RP1: variants seen among roughly 807,000 people sequenced by gnomAD.
RP1 encodes the protein RP1 axonemal microtubule associated.
RP1 carries 16 observed loss-of-function variants against 14.8 expected under a neutral mutation model. The observed-to-expected ratio is 1.08, with a 90% CI of 0.73 to 1.65. The LOEUF (loss-of-function observed/expected upper bound fraction) is 1.65, where lower values mean the gene tolerates loss of function less well. Among genes scored for constraint, RP1 ranks in the 40% most tolerant of loss-of-function variants. The probability of loss-of-function intolerance (pLI) is 0.00; values close to 1 mark genes in which losing one functional copy is unlikely to be tolerated. For missense variants in RP1, 2,631 were observed against 2,535.0 expected (o/e 1.04, Z -0.81); for synonymous variants, 876 against 883.6 (o/e 0.99, Z 0.15).
intron 25 of RP1, chr8:54,852,435 G>A: frequency 2.2e-6 from 1 of 462,824 alleles, no homozygotes; most frequent in Non-Finnish European, 3.5e-6. Flanking sequence ...TTGAAAGGGG[G>A]TACATAGAAG....
chr8:54,690,659 G>C (rs887690768), intron 12 of RP1, among the ~76,000 whole-genome samples: 3 of 151,978 alleles, frequency 2.0e-5, no homozygotes, highest in African/African-American at 4.8e-5. Context: ...GATTTTTTCT[G>C]GGATGTATAC....
At chr8:54,740,122 C>A (rs1410844208) in intron 19 of RP1, among the ~76,000 whole-genome samples, 4 of 148,660 alleles carry the variant, frequency 2.7e-5, no homozygotes. Context: ...TTAGAGTGTA[C>A]TCATTCTACT....
At chr8:54,865,823 C>T in intron 27 of RP1, 1 of 1,142,588 alleles carries the variant, frequency 8.8e-7, no homozygotes, top group Non-Finnish European at 1.1e-6. Context: ...TCTCCTTTGT[C>T]AACTGACACA....
intron 1 of RP1, among the ~76,000 whole-genome samples, chr8:54,603,397 A>G (rs923959541): frequency 3.6e-4 from 55 of 152,178 alleles, no homozygotes; most frequent in Non-Finnish European, 7.5e-4. Context: ...GTTGGTCTAT[A>G]TCTCTGTTTT....
chr8:54,773,438 ACCAGCCTGG>A (rs1485431493), downstream of RP1, among the ~76,000 whole-genome samples: 1 of 152,004 alleles, frequency 6.6e-6, no homozygotes, highest in Non-Finnish European at 1.5e-5. Flanking sequence ...GGAGTTTGAG[ACCAGCCTGG>A]CCAACATGGT....
At chr8:54,709,806 CA>C (rs1489825886) in intron 15 of RP1, among the ~76,000 whole-genome samples, 1 of 151,982 alleles carries the variant, frequency 6.6e-6, no homozygotes, top group Non-Finnish European at 1.5e-5. Context: ...TAGCTAAATG[CA>C]AAAAACACTG....
chr8:54,851,442 C>T (rs1299486778), intron 25 of RP1, among the ~76,000 whole-genome samples: 1 of 152,206 alleles, frequency 6.6e-6, no homozygotes, highest in African/African-American at 2.4e-5. Flanking sequence ...CCTGGTTTCT[C>T]TATGTGAAGA....
At chr8:54,673,981 TG>T in intron 8 of RP1, 1 of 1,350,276 alleles carries the variant, frequency 7.4e-7, no homozygotes, top group Non-Finnish European at 1.0e-6. Context: ...TCTGTTTATA[TG>T]AAACTCTGTT....
chr8:54,822,968 TAGAG>T (rs1163075416), intron 24 of RP1, among the ~76,000 whole-genome samples: 1 of 152,226 alleles, frequency 6.6e-6, no homozygotes, highest in Non-Finnish European at 1.5e-5. Flanking sequence ...GCAAAGATAA[TAGAG>T]AGGCCTTGTG....
Position 54,625,416 on chromosome 8 carries a change from T to C in RP1, c.1534T>C (p.Ser512Pro), listed in dbSNP as rs1806009557. The C allele has an allele frequency of 6.2e-7, 1 of 1,613,996 alleles. No individual in the cohort carries two copies. The highest frequency in any genetic ancestry group is 1.1e-5 in the South Asian group (1 of 91,076). ...THSCSKMSSV[S>P]NKPVLVQINN... ...TTCTTGCAGTAAAATGTCATCAGTA[T>C]CTAACAAACCAGTACTTGTTCAGAT... The change falls in exon 4 of 4, where the codon TCT becomes CCT. Residue 512 changes from serine (S) to proline (P), a missense_variant. By Grantham distance (74) the Ser-to-Pro change is moderately conservative (BLOSUM62 -1). Transcript: ENST00000220676.
chr8:54,768,465 G>A (rs1053954204), intron 22 of RP1, among the ~76,000 whole-genome samples: 16 of 152,126 alleles, frequency 1.1e-4, no homozygotes, highest in African/African-American at 3.9e-4. Flanking sequence ...CAGCACTTAG[G>A]AAAATACCTG....
At chr8:54,601,599 A>G (rs1223393545) in intron 1 of RP1, among the ~76,000 whole-genome samples, 1 of 126,990 alleles carries the variant, frequency 7.9e-6, no homozygotes, top group East Asian at 2.0e-4. Context: ...AAAAACTTAG[A>G]AAAAAAAAAA....
chr8:54,648,761 A>T (rs372486590), intron 3 of RP1, among the ~76,000 whole-genome samples: 66 of 152,292 alleles, frequency 4.3e-4, no homozygotes, highest in African/African-American at 1.6e-3. Context: ...CACCTCACTA[A>T]AGATCTTTTT....
At chr8:54,755,220 C>A (rs1394557000) in intron 20 of RP1, among the ~76,000 whole-genome samples, 13 of 152,108 alleles carry the variant, frequency 8.5e-5, no homozygotes, top group Non-Finnish European at 1.9e-4. Context: ...TTGCCTGGGG[C>A]CAGCTTACCT....
intron 22 of RP1, among the ~76,000 whole-genome samples, chr8:54,761,054 G>A (rs1040060972): frequency 1.3e-5 from 2 of 152,084 alleles, no homozygotes; most frequent in Non-Finnish European, 2.9e-5. Flanking sequence ...ATCAGAAGAG[G>A]TAGAGTGTGC....
At chr8:54,756,891 C>T (rs1809519432) in intron 21 of RP1, among the ~76,000 whole-genome samples, 1 of 152,102 alleles carries the variant, frequency 6.6e-6, no homozygotes, top group African/African-American at 2.4e-5. Context: ...CTCAGTTCAT[C>T]ATTGTGTTTA....
chr8:54,675,675 G>A (rs1324175068), intron 8 of RP1, among the ~76,000 whole-genome samples: 1 of 152,078 alleles, frequency 6.6e-6, no homozygotes, highest in East Asian at 1.9e-4. Flanking sequence ...AGTCATTTAA[G>A]GTATTTCAGT....
intron 3 of RP1, among the ~76,000 whole-genome samples, chr8:54,637,996 T>C (rs1223008730): frequency 6.6e-6 from 1 of 152,176 alleles, no homozygotes; most frequent in Non-Finnish European, 1.5e-5. Flanking sequence ...CGACGTGAAC[T>C]GCTTCAATCC....
rs953256012 is a variant in RP1, at chr8:54,766,380, A to AGGC, written c.3249-3360_3249-3358dup. Among the ~76,000 whole-genome samples the AGGC allele has an allele frequency of 1.4e-4, 22 of 152,042 alleles. 1 individual carries two copies. Among genetic ancestry groups the AGGC allele is most frequent in the African/African-American group, 4.8e-4 (20 of 41,404 alleles). The stretch of plus-strand genomic sequence containing the variant: ...TTACTGATTTTTTTTTTCCTGAAAG[A>AGGC]GGCCACTATTAATCATTTCTTGCTA... On this transcript the variant is annotated intron_variant, in intron 22 of 22. Transcript: ENST00000636932.
Sources: gnomAD v4.1 joint callset for allele counts (sites outside exome capture counted in the v4.1 genomes callset) on GRCh38, gnomAD v4.1.1 for gene constraint, MANE v1.5 for transcripts, NCBI Gene and HGNC (gene_info 2026-07-23, HGNC 2026-07-21) for gene names.